ARHGAP39: variants seen among roughly 807,000 people sequenced by gnomAD.
ARHGAP39 encodes the protein Rho GTPase activating protein 39.
ARHGAP39 carries 44 observed loss-of-function variants against 106.9 expected under a neutral mutation model. The ratio of observed to expected loss-of-function variants is 0.41; its 90% CI spans 0.32 to 0.53. The LOEUF is 0.53. Among genes scored for constraint, ARHGAP39 ranks in the 20% least tolerant of loss-of-function variants. The pLI, the probability that ARHGAP39 is intolerant of heterozygous loss-of-function variation, is 0.21. For missense variants in ARHGAP39, 1,496 were observed against 1,577.3 expected (o/e 0.95, Z 0.87); for synonymous variants, 768 against 693.2 (o/e 1.11, Z -1.69).
intron 1 of ARHGAP39, among the ~76,000 whole-genome samples, chr8:144,680,002 T>C (rs1035392592): frequency 6.6e-6 from 1 of 152,080 alleles, no homozygotes; most frequent in African/African-American, 2.4e-5. Flanking sequence ...AAAATTAAAA[T>C]CTAAAGCCTT....
At chr8:144,590,668 C>T (rs1183440427) in intron 2 of ARHGAP39, among the ~76,000 whole-genome samples, 1 of 152,278 alleles carries the variant, frequency 6.6e-6, no homozygotes, top group East Asian at 1.9e-4. Context: ...GGCCAGCCTG[C>T]AGAAGGCTGG....
the ARHGAP39 span, among the ~76,000 whole-genome samples, chr8:144,694,641 G>A: frequency 0.018 from 2,732 of 152,296 alleles, 87 homozygotes; most frequent in African/African-American, 0.062. Context: ...TTTGTGTTAT[G>A]CACCTGCTCT....
rs1032364954 is a variant in ARHGAP39, at chr8:144,644,583, G to A, written c.-81-38888C>T. On this transcript the variant is annotated intron_variant, in intron 1 of 11. Transcript: ENST00000377307. This position sits in a 1 kb window ranked among gnomAD's most constrained non-coding sequence, Gnocchi z 4.8. ...AACACTGCCAAATGCACGCCGGCTC[G>A]TGGCGGCACCCCTTCCGGCTTCCAC... Among the ~76,000 whole-genome samples the A allele has an allele frequency of 2.0e-5, 3 of 152,170 alleles. No individual in the cohort carries two copies. Among genetic ancestry groups the A allele is most frequent in the Non-Finnish European group, 2.9e-5 (2 of 68,038 alleles).
At chr8:144,632,723 C>T (rs1563717019) in intron 1 of ARHGAP39, among the ~76,000 whole-genome samples, 1 of 152,220 alleles carries the variant, frequency 6.6e-6, no homozygotes, top group Non-Finnish European at 1.5e-5. Context: ...ACCGCCCAGA[C>T]AATTGCCCTG....
At chr8:144,594,002 T>C (rs28870158) in intron 2 of ARHGAP39, among the ~76,000 whole-genome samples, 4,455 of 150,906 alleles carry the variant, frequency 0.03, 219 homozygotes, top group African/African-American at 0.1. Flanking sequence ...GGCAGGAGAA[T>C]TGCTTGAACC....
At chr8:144,688,165 G>T (rs139736019), upstream of ARHGAP39, among the ~76,000 whole-genome samples, 1 of 150,626 alleles carries the variant, frequency 6.6e-6, no homozygotes. Context: ...GTACAGTGGC[G>T]CCATCTTGGC....
rs539507104 is a variant in ARHGAP39, at chr8:144,600,606, G to A, written c.80+4929C>T. Among the ~76,000 whole-genome samples, 614 of 146,844 alleles carry A rather than the reference G, an allele frequency of 4.2e-3. 3 individuals are homozygous for A. Among genetic ancestry groups the A allele is most frequent in the African/African-American group, 5.5e-3 (216 of 39,502 alleles). The stretch of plus-strand genomic sequence containing the variant: ...CTTGTATACCTGAGTGTGCGTGTTC[G>A]TGGAGGCGTGCGTGCGCACTTGGGT... On this transcript the variant is annotated intron_variant, in intron 2 of 11. Coordinates refer to ENST00000377307, the MANE Select transcript of ARHGAP39 (RefSeq NM_025251.3).
In ARHGAP39 at chr8:144,548,536, C is replaced by A. The variant is rs989933990; in HGVS notation, c.597-47G>T. 2.5e-6 allele frequency: 4 copies of A among 1,578,918 alleles called. No individual in the cohort carries two copies. The highest frequency in any genetic ancestry group is 3.4e-6 in the Non-Finnish European group (4 of 1,165,926). Reference sequence around the variant, plus strand: ...ACAGGTGACTGCCTGCCTGCTGCTTCTGGGCACGCCCCACCCCCTCGGGGG... The same window carrying A: ...ACAGGTGACTGCCTGCCTGCTGCTTATGGGCACGCCCCACCCCCTCGGGGG... On this transcript the variant is annotated intron_variant, in intron 4 of 11. Coordinates refer to ENST00000377307, the MANE Select transcript of ARHGAP39 (RefSeq NM_025251.3). This position sits in a 1 kb window ranked among gnomAD's most constrained non-coding sequence, Gnocchi z 7.4.
chr8:144,559,227 C>A (rs1818053802), intron 3 of ARHGAP39, among the ~76,000 whole-genome samples: 1 of 151,354 alleles, frequency 6.6e-6, no homozygotes, highest in Non-Finnish European at 1.5e-5. Flanking sequence ...AACAAAAAAA[C>A]AAAAACTAGC....
intron 4 of ARHGAP39, among the ~76,000 whole-genome samples, chr8:144,553,664 G>A (rs1445169890): frequency 6.6e-6 from 1 of 152,248 alleles, no homozygotes; most frequent in Non-Finnish European, 1.5e-5. Flanking sequence ...GGATGACAGT[G>A]ACAGGGGAGG....
intron 1 of ARHGAP39, among the ~76,000 whole-genome samples, chr8:144,673,115 G>T (rs1822140937): frequency 6.6e-6 from 1 of 152,052 alleles, no homozygotes; most frequent in Non-Finnish European, 1.5e-5. Flanking sequence ...TACTTGGGAG[G>T]CTGAGGCAGG....
chr8:144,650,368 TGAG>T (rs1821544770), intron 1 of ARHGAP39, among the ~76,000 whole-genome samples: 1 of 152,004 alleles, frequency 6.6e-6, no homozygotes, highest in South Asian at 2.1e-4. Flanking sequence ...TCCAAAAAAT[TGAG>T]GAGGAGGGAT....
At chr8:144,534,765 G>A (rs1816886091) in intron 7 of ARHGAP39, among the ~76,000 whole-genome samples, 1 of 152,202 alleles carries the variant, frequency 6.6e-6, no homozygotes, top group Non-Finnish European at 1.5e-5. Context: ...GCAATGAGAG[G>A]GCCCAGTCTC....
At chr8:144,654,976 T>G (rs1256572845) in intron 1 of ARHGAP39, among the ~76,000 whole-genome samples, 1 of 152,132 alleles carries the variant, frequency 6.6e-6, no homozygotes, top group East Asian at 1.9e-4. Flanking sequence ...CCTGCACTCT[T>G]GGGGGCCCAG....
In ARHGAP39 at chr8:144,586,078, A is replaced by T. The variant is rs939100609; in HGVS notation, c.81-4801T>A. Among the ~76,000 whole-genome samples the T allele has an allele frequency of 7.9e-5, 12 of 152,164 alleles. No individual in the cohort carries two copies. Among genetic ancestry groups the T allele is most frequent in the Admixed American group, 6.5e-5 (1 of 15,284 alleles). On this transcript the variant is annotated intron_variant, in intron 2 of 11. Coordinates refer to ENST00000377307, the MANE Select transcript of ARHGAP39 (RefSeq NM_025251.3). The surrounding 1 kb of genome is among the most constrained non-coding windows in gnomAD (Gnocchi z 4.2). The stretch of plus-strand genomic sequence containing the variant: ...ACTGCAACCTCCACCTCCCAGGTTT[A>T]AGCAGTTCTCCTGCCTCAGTCCCCC...
chr8:144,630,194 C>G (rs866679786), intron 1 of ARHGAP39, among the ~76,000 whole-genome samples: 1 of 152,188 alleles, frequency 6.6e-6, no homozygotes, highest in African/African-American at 2.4e-5. Flanking sequence ...GGCCCCCACC[C>G]GGCACTGTCC....
At chr8:144,556,312 C>T (rs1222157167) in intron 3 of ARHGAP39, among the ~76,000 whole-genome samples, 2 of 149,710 alleles carry the variant, frequency 1.3e-5, no homozygotes, top group Non-Finnish European at 3.0e-5. Context: ...AAAAGAAATA[C>T]CCTTGGAGAC....
rs1408390217 is a variant in ARHGAP39 at position 144,580,980 on chromosome 8, G to C, written c.378C>G (p.Arg126=). The C allele has an allele frequency of 6.3e-7, 1 of 1,598,386 alleles. No individual in the cohort carries two copies. The highest frequency in any genetic ancestry group is 1.3e-5 in the African/African-American group (1 of 74,590). ...PRASAESSPG[R]GSSVSREGST... is the part of the protein sequence containing the mutation. ...TGCCCTCACGGCTGACGCTGCTGCC[G>C]CGCCCGGGGCTGCTCTCCGCCGAGG... The change falls in exon 3 of 12, where the codon CGC becomes CGG. Residue 126 remains arginine (R), a synonymous_variant. Coordinates refer to ENST00000377307, the MANE Select transcript of ARHGAP39 (RefSeq NM_025251.3).
intron 1 of ARHGAP39, among the ~76,000 whole-genome samples, chr8:144,634,882 C>T (rs535936265): frequency 3.3e-5 from 5 of 152,022 alleles, no homozygotes; most frequent in Admixed American, 2.0e-4. Context: ...ACTCGGCTCC[C>T]GGGAACTCCA....
Sources: allele counts gnomAD v4.1 joint callset (sites outside exome capture counted in the v4.1 genomes callset), GRCh38; gene constraint gnomAD v4.1.1; non-coding constraint Gnocchi (gnomAD v3.1); transcripts MANE v1.5; gene names NCBI Gene and HGNC (gene_info 2026-07-23, HGNC 2026-07-21).